The following RNF43 variants were observed in gnomAD, a reference collection of about 807,000 sequenced individuals.
The protein encoded by RNF43 is ring finger protein 43.
Under a neutral mutation model 78.4 loss-of-function variants are expected in RNF43, and 37 were observed. The ratio of observed to expected loss-of-function variants is 0.47; its 90% CI spans 0.36 to 0.62. The LOEUF is 0.62. Ranked by LOEUF, RNF43 falls within the 20% of genes least tolerant of loss-of-function variation. The pLI, the probability that RNF43 is intolerant of heterozygous loss-of-function variation, is 0.00. For synonymous variants in RNF43, 347 were observed against 395.0 expected (o/e 0.88, Z 1.44); for missense variants, 774 against 1,007.9 (o/e 0.77, Z 3.14).
At chr17:58,375,987 A>C (rs1973197066) in intron 2 of RNF43, among the ~76,000 whole-genome samples, 1 of 152,186 alleles carries the variant, frequency 6.6e-6, no homozygotes, top group African/African-American at 2.4e-5. Context: ...GCCTGTGGTG[A>C]AGGGAGGGGT....
At chr17:58,400,691 G>A (rs1283329030) in intron 2 of RNF43, among the ~76,000 whole-genome samples, 1 of 152,082 alleles carries the variant, frequency 6.6e-6, no homozygotes, top group African/African-American at 2.4e-5. Context: ...GTAGGATGTC[G>A]CTCCTCATTT....
chr17:58,361,295 C>A (rs1215081179), intron 6 of RNF43, among the ~76,000 whole-genome samples: 1 of 152,198 alleles, frequency 6.6e-6, no homozygotes, highest in Non-Finnish European at 1.5e-5. Flanking sequence ...CTGTCTTCCC[C>A]GTCTTCCCCA....
chr17:58,403,553 C>A (rs145867356), intron 2 of RNF43, among the ~76,000 whole-genome samples: 1 of 152,128 alleles, frequency 6.6e-6, no homozygotes, highest in Non-Finnish European at 1.5e-5. Context: ...TCTAAGAAGG[C>A]GCTTTTGTGT....
In RNF43 at chr17:58,358,907, C is replaced by A; in HGVS notation, c.953-84G>T. On this transcript the variant is annotated intron_variant, in intron 8 of 9. Coordinates refer to ENST00000407977, the MANE Select transcript of RNF43 (RefSeq NM_017763.6). This position sits in a 1 kb window ranked among gnomAD's most constrained non-coding sequence, Gnocchi z 6.2. ...TCAGAAAGACATGGCTGTAGCTAATCTATTTGACCCTGAGTAGCCTGTGAG... is the reference window on the plus strand; with the variant it reads ...TCAGAAAGACATGGCTGTAGCTAATATATTTGACCCTGAGTAGCCTGTGAG... 1 of 1,351,518 alleles carries A rather than the reference C, an allele frequency of 7.4e-7. No individual in the cohort carries two copies. The allele number at this position is 1,351,518 out of a possible 1,614,324, so 83.7% of individuals were successfully genotyped here. A position where few individuals can be genotyped will look rare whatever the true frequency, so the allele number is the denominator to read the frequency against.
Position 58,373,831 on chromosome 17 carries a change from A to C in RNF43, c.253-2798T>G, listed in dbSNP as rs781367982. Among the ~76,000 whole-genome samples, 54 of 152,118 alleles carry C rather than the reference A, an allele frequency of 3.5e-4. 1 individual carries two copies. The highest frequency in any genetic ancestry group is 8.8e-5 in the Non-Finnish European group (6 of 68,016). ...TCTCCCCACTACCCCTATCATAGCCACTTAAAGAAGAGAAGCTTGAGGCTG... is the reference window on the plus strand; with the variant it reads ...TCTCCCCACTACCCCTATCATAGCCCCTTAAAGAAGAGAAGCTTGAGGCTG... On this transcript the variant is annotated intron_variant, in intron 2 of 9. Coordinates refer to ENST00000407977, the MANE Select transcript of RNF43 (RefSeq NM_017763.6).
chr17:58,359,779 A>G (rs558171269), intron 8 of RNF43, among the ~76,000 whole-genome samples: 10 of 151,452 alleles, frequency 6.6e-5, no homozygotes, highest in African/African-American at 2.2e-4. Context: ...ATACAAAATT[A>G]GCCAGGCATG....
chr17:58,377,794 T>C (rs1973235947), intron 2 of RNF43, among the ~76,000 whole-genome samples: 2 of 151,910 alleles, frequency 1.3e-5, no homozygotes, highest in African/African-American at 4.8e-5. Context: ...CTTGCTACAA[T>C]TTTGCCTTTG....
chr17:58,407,182 G>T (rs892694072), intron 2 of RNF43, among the ~76,000 whole-genome samples: 1 of 146,158 alleles, frequency 6.8e-6, no homozygotes. Flanking sequence ...AGATTCAAGC[G>T]ATTCTCCTGC....
At chr17:58,385,932 C>A (rs956631817) in intron 2 of RNF43, among the ~76,000 whole-genome samples, 1 of 151,782 alleles carries the variant, frequency 6.6e-6, no homozygotes, top group African/African-American at 2.4e-5. Context: ...CATAGCAAGA[C>A]CCCATCTCTA....
In RNF43 at chr17:58,354,994, TAG is replaced by T. The variant is rs750610377; in HGVS notation, c.2309-10_2309-9del. 94 of 1,613,522 alleles carry T rather than the reference TAG, an allele frequency of 5.8e-5. No individual in the cohort carries two copies. The highest frequency in any genetic ancestry group is 6.5e-5 in the Non-Finnish European group (77 of 1,179,750). ...CGAGTTCCTCCTCTGAGCCTGTATT[TAG>T]AGAGCGGGGAGGAAAGAGGTCATTG... On this transcript the variant is annotated splice_polypyrimidine_tract_variant and intron_variant, in intron 9 of 9. Coordinates refer to ENST00000407977, the MANE Select transcript of RNF43 (RefSeq NM_017763.6).
Position 58,360,228 on chromosome 17 carries a change from G to A in RNF43, c.873C>T (p.Leu291=), listed in dbSNP as rs148147597. 6.2e-7 allele frequency: 1 copy of A among 1,614,142 alleles called. No homozygotes were observed. Among genetic ancestry groups the A allele is most frequent in the South Asian group, 1.1e-5 (1 of 91,082 alleles). ...EGQELRVISC[L]HEFHRNCVDP... is the part of the protein sequence containing the mutation. ...CCACACAGTTACGATGGAACTCATG[G>A]AGGCAGGAAATGACCCGTAGCTCCT... Residue 291 remains leucine, a synonymous_variant, in exon 8 of 10, where the codon CTC becomes CTT. Transcript: ENST00000407977. The surrounding 1 kb of genome is among the most constrained non-coding windows in gnomAD (Gnocchi z 4.3).
At chr17:58,412,710 TTCAG>T (rs1417494970) in intron 2 of RNF43, among the ~76,000 whole-genome samples, 2 of 151,956 alleles carry the variant, frequency 1.3e-5, no homozygotes, top group Non-Finnish European at 2.9e-5. Flanking sequence ...CAAATGAAAA[TTCAG>T]TCAGTTTGGT....
Position 58,360,318 on chromosome 17 carries a change from A to G in RNF43, c.850-67T>C. ...CATAGGAATTGCCAGGAATCAGGAC[A>G]TCCCCCAACTCCCTTAGGCCTCTCC... On this transcript the variant is annotated intron_variant, in intron 7 of 9. Transcript: ENST00000407977. The surrounding 1 kb of genome is among the most constrained non-coding windows in gnomAD (Gnocchi z 4.3). 1.7e-6 allele frequency: 2 copies of G among 1,164,398 alleles called. No homozygotes were observed. The highest frequency in any genetic ancestry group is 2.6e-6 in the Non-Finnish European group (2 of 772,954). The allele number at this position is 1,164,398 out of a possible 1,614,324, so 72.1% of individuals were successfully genotyped here.
intron 2 of RNF43, among the ~76,000 whole-genome samples, chr17:58,379,610 G>T (rs1002512012): frequency 3.3e-5 from 5 of 152,116 alleles, no homozygotes; most frequent in African/African-American, 1.2e-4. Flanking sequence ...ATGCAACTAG[G>T]CTTCTTTACA....
At chr17:58,359,855 G>A (rs1048652117) in intron 8 of RNF43, among the ~76,000 whole-genome samples, 1 of 152,024 alleles carries the variant, frequency 6.6e-6, no homozygotes, top group Non-Finnish European at 1.5e-5. Flanking sequence ...GAACCCAGGA[G>A]GAGGAGGTTG....
intron 2 of RNF43, among the ~76,000 whole-genome samples, chr17:58,394,449 G>T (rs764978154): frequency 2.6e-5 from 4 of 152,170 alleles, no homozygotes; most frequent in Non-Finnish European, 5.9e-5. Flanking sequence ...TAAATGAAGA[G>T]AAATAATTTA....
chr17:58,415,972 A>G lies in RNF43; in HGVS notation c.-385-10T>C, dbSNP rs191043859. On this transcript the variant is annotated splice_polypyrimidine_tract_variant and intron_variant, in intron 1 of 9. Transcript: ENST00000407977. ...ATCAAGTTGCCAGGCACTAAACCCA[A>G]TGTTCATGAACAAAACAAGGCAAAG... The G allele has an allele frequency of 2.4e-5, 7 of 293,654 alleles. No individual in the cohort carries two copies. In the East Asian group the frequency reaches 3.8e-4, roughly 16 times the overall value. The allele number at this position is 293,654 out of a possible 1,614,324, so 18.2% of individuals were successfully genotyped here. A position where few individuals can be genotyped will look rare whatever the true frequency, so the allele number is the denominator to read the frequency against.
intron 2 of RNF43, among the ~76,000 whole-genome samples, chr17:58,393,917 G>A (rs372699814): frequency 5.9e-5 from 9 of 152,148 alleles, no homozygotes; most frequent in African/African-American, 1.9e-4. Flanking sequence ...TTAGCCAGGC[G>A]TGGTGGCGGG....
intron 2 of RNF43, among the ~76,000 whole-genome samples, chr17:58,405,688 T>G (rs1413814049): frequency 1.6e-5 from 2 of 128,654 alleles, no homozygotes; most frequent in African/African-American, 5.8e-5. Flanking sequence ...AGAGAGACCC[T>G]GTCTCTAATG....
Sources: allele counts gnomAD v4.1 joint callset (sites outside exome capture counted in the v4.1 genomes callset), GRCh38; gene constraint gnomAD v4.1.1; non-coding constraint Gnocchi (gnomAD v3.1); transcripts MANE v1.5; gene names NCBI Gene and HGNC (gene_info 2026-07-23, HGNC 2026-07-21).